Variants in RANBP2 observed in about 807,000 individuals in gnomAD.
RANBP2 encodes the protein RAN binding protein 2.
RANBP2 carries 57 observed loss-of-function variants against 303.6 expected under a neutral mutation model. The observed-to-expected ratio is 0.19, with a 90% CI of 0.15 to 0.23. RANBP2 has a LOEUF of 0.23. Among genes scored for constraint, RANBP2 ranks in the 10% least tolerant of loss-of-function variants. The pLI is 1.00. For synonymous variants in RANBP2, 1,167 were observed against 1,301.5 expected (o/e 0.90, Z 2.23); for missense variants, 3,138 against 3,780.8 (o/e 0.83, Z 4.46).
At chr2:108,857,394 T>C in the RANBP2 span, among the ~76,000 whole-genome samples, 1 of 152,278 alleles carries the variant, frequency 6.6e-6, no homozygotes, top group South Asian at 2.1e-4. Context: ...TGCTTAAAAA[T>C]ATTTTTGATG....
At chr2:109,040,988 G>A in the RANBP2 span, among the ~76,000 whole-genome samples, 6 of 152,180 alleles carry the variant, frequency 3.9e-5, no homozygotes, top group Non-Finnish European at 8.8e-5. Context: ...CCCAGGAGGC[G>A]GAGCTTGCTG....
chr2:109,426,339 G>C, the RANBP2 span, among the ~76,000 whole-genome samples: 5 of 152,336 alleles, frequency 3.3e-5, 1 homozygote, highest in African/African-American at 1.2e-4. Flanking sequence ...GTGATTCATG[G>C]GAGGAGGTCA....
the RANBP2 span, among the ~76,000 whole-genome samples, chr2:109,322,607 G>C: frequency 2.6e-5 from 4 of 152,228 alleles, no homozygotes; most frequent in African/African-American, 9.6e-5. Context: ...GAATAAATCT[G>C]CAGTAGTCGC....
the RANBP2 span, chr2:108,791,598 AT>A: frequency 1.3e-6 from 2 of 1,491,448 alleles, no homozygotes; most frequent in South Asian, 2.3e-5. Context: ...TGCTGTTAAT[AT>A]TTGAAAAGCA....
the RANBP2 span, among the ~76,000 whole-genome samples, chr2:109,435,959 C>T: frequency 3.9e-5 from 6 of 152,228 alleles, no homozygotes; most frequent in East Asian, 1.2e-3. Context: ...TCCAAGAGGC[C>T]CCTCTCCTCT....
At chr2:109,046,509 C>T in the RANBP2 span, among the ~76,000 whole-genome samples, 4 of 150,094 alleles carry the variant, frequency 2.7e-5, no homozygotes, top group African/African-American at 9.8e-5. Context: ...CAGGTTCAAG[C>T]GATTCTCCTG....
the RANBP2 span, among the ~76,000 whole-genome samples, chr2:109,285,510 G>A: frequency 6.6e-6 from 1 of 152,216 alleles, no homozygotes. Context: ...GTGCATGCTG[G>A]GGCACTTGGA....
At chr2:108,939,310 C>T in the RANBP2 span, among the ~76,000 whole-genome samples, 1 of 151,950 alleles carries the variant, frequency 6.6e-6, no homozygotes, top group South Asian at 2.1e-4. Flanking sequence ...CCTCAGCCTC[C>T]GTAGTAGCTG....
the RANBP2 span, among the ~76,000 whole-genome samples, chr2:109,358,521 G>A: frequency 6.6e-6 from 1 of 152,210 alleles, no homozygotes; most frequent in African/African-American, 2.4e-5. Context: ...TGCCAGCCGT[G>A]AATGAGCGTT....
the RANBP2 span, among the ~76,000 whole-genome samples, chr2:109,089,329 G>A: frequency 6.6e-6 from 1 of 152,128 alleles, no homozygotes; most frequent in African/African-American, 2.4e-5. Context: ...TTGGCTGGGT[G>A]CAGTGGCTCA....
At chr2:109,677,719 G>A in the RANBP2 span, among the ~76,000 whole-genome samples, 1 of 152,092 alleles carries the variant, frequency 6.6e-6, no homozygotes, top group Non-Finnish European at 1.5e-5. Flanking sequence ...CTGTGCCCTC[G>A]TGAACCAAAT....
chr2:108,825,198 A>G, the RANBP2 span, among the ~76,000 whole-genome samples: 14 of 152,146 alleles, frequency 9.2e-5, no homozygotes, highest in African/African-American at 3.4e-4. Context: ...CAAAACTTAG[A>G]GAGACTTAGG....
the RANBP2 span, chr2:109,574,549 G>C: frequency 3.3e-5 from 44 of 1,318,834 alleles, no homozygotes; most frequent in Non-Finnish European, 4.2e-5. Context: ...AAATATTAAA[G>C]TATGGTAAGT....
the RANBP2 span, among the ~76,000 whole-genome samples, chr2:108,815,227 G>T: frequency 6.6e-6 from 1 of 152,036 alleles, no homozygotes; most frequent in Admixed American, 6.6e-5. Flanking sequence ...AAATTCTTTA[G>T]CTCTGGAAAC....
chr2:109,533,253 C>T, the RANBP2 span, among the ~76,000 whole-genome samples: 1 of 152,248 alleles, frequency 6.6e-6, no homozygotes, highest in African/African-American at 2.4e-5. Context: ...GTGGAGGGCA[C>T]TTGCCCTGCT....
chr2:108,930,112 G>A, the RANBP2 span: 96 of 1,612,842 alleles, frequency 6.0e-5, 1 homozygote, highest in African/African-American at 1.0e-3. Flanking sequence ...GGAGGGCTGG[G>A]TCCTTACCAG....
chr2:109,584,779 A>C, the RANBP2 span, among the ~76,000 whole-genome samples: 1 of 152,186 alleles, frequency 6.6e-6, no homozygotes, highest in South Asian at 2.1e-4. Context: ...TATTGTTCTT[A>C]TATGTCTTGT....
the RANBP2 span, chr2:109,615,560 G>A: frequency 6.2e-7 from 1 of 1,613,940 alleles, no homozygotes; most frequent in Non-Finnish European, 8.5e-7. Flanking sequence ...TGGAGGTGGT[G>A]AAGCTGCTGG....
chr2:109,383,351 C>T, the RANBP2 span, among the ~76,000 whole-genome samples: 1 of 152,112 alleles, frequency 6.6e-6, no homozygotes, highest in Admixed American at 6.5e-5. Flanking sequence ...TCCAGAGCAG[C>T]CCATCTTTGC....
Sources: allele counts gnomAD v4.1 joint callset (sites outside exome capture counted in the v4.1 genomes callset), GRCh38; gene constraint gnomAD v4.1.1; transcripts MANE v1.5; gene names NCBI Gene and HGNC (gene_info 2026-07-23, HGNC 2026-07-21).